The following ITGA10 variants were observed in gnomAD, a reference collection of about 807,000 sequenced individuals.
The protein encoded by ITGA10 is integrin alpha-10.
ITGA10 carries 105 observed loss-of-function variants against 145.2 expected under a neutral mutation model. That is an observed-to-expected ratio of 0.72 (90% CI 0.62 to 0.85). The LOEUF (loss-of-function observed/expected upper bound fraction) is 0.85, where lower values mean the gene tolerates loss of function less well. Ranked by LOEUF, ITGA10 falls within the 40% of genes least tolerant of loss-of-function variation. The pLI, the probability that ITGA10 is intolerant of heterozygous loss-of-function variation, is 0.00. For missense variants in ITGA10, 1,317 were observed against 1,444.5 expected, an observed-to-expected ratio of 0.91 and a Z score of 1.43; for synonymous variants, 506 against 557.8, an observed-to-expected ratio of 0.91 and a Z score of 1.31.
chr1:145,893,703 C>T (rs1655003536), intron 27 of ITGA10, 68 bp from the exon 28 acceptor site: 3 of 1,260,894 alleles, frequency 2.4e-6, no homozygotes, highest in East Asian at 4.9e-5. Flanking sequence ...TCTTTGGAAT[C>T]CCAACAGCAA....
At chr1:145,898,528 C>G (rs1181404474) in intron 17 of ITGA10, among the ~76,000 whole-genome samples, 2 of 151,932 alleles carry the variant, frequency 1.3e-5, no homozygotes, top group Admixed American at 6.6e-5. Context: ...GCCACCACGC[C>G]CGGCTAATTT....
In ITGA10 at chr1:145,896,996, TC is replaced by T; in HGVS notation, c.2744+14del. 6.2e-7 allele frequency: 1 copy of T among 1,610,500 alleles called. No homozygotes were observed. Among genetic ancestry groups the T allele is most frequent in the Non-Finnish European group, 8.5e-7 (1 of 1,176,740 alleles). ...TAGGAGGAGAGGTCTGGAAGAAAGTTCCCTTCATTCTCACCTGCTGGCAGTC... is the reference window on the plus strand; with the variant it reads ...TAGGAGGAGAGGTCTGGAAGAAAGTTCCTTCATTCTCACCTGCTGGCAGTC... On this transcript the variant is annotated intron_variant, in intron 22 of 29. Transcript: ENST00000369304.
Position 145,901,718 on chromosome 1 carries a change from A to G in ITGA10, c.1295-54T>C. 6.5e-7 allele frequency: 1 copy of G among 1,539,348 alleles called. No homozygotes were observed. ...AGGAAAAGAAGATGGGGTCCAGAGT[A>G]GGGGGGTTCCCTAAAGGCATAGCAG... On this transcript the variant is annotated intron_variant, in intron 11 of 29. Transcript: ENST00000369304. This position sits in a 1 kb window ranked among gnomAD's most constrained non-coding sequence, Gnocchi z 4.3.
chr1:145,900,293 G>A, intron 14 of ITGA10, 106 bp from the exon 15 acceptor site: 2 of 1,273,478 alleles, frequency 1.6e-6, no homozygotes, highest in Non-Finnish European at 2.1e-6. Flanking sequence ...TTGAGATGGA[G>A]TTTCACTCTT....
Position 145,899,017 on chromosome 1 carries a change from G to C in ITGA10, c.2151C>G (p.Gly717=). 6.2e-7 allele frequency: 1 copy of C among 1,614,230 alleles called. No homozygotes were observed. Residue 717 remains glycine, a synonymous_variant, in exon 17 of 30, where the codon GGC becomes GGG. Coordinates refer to ENST00000369304, the MANE Select transcript of ITGA10 (RefSeq NM_003637.5). The stretch of plus-strand genomic sequence containing the variant: ...TCCGAGGGGACAACCTCTGGCCAGA[G>C]CCATCAAATGCTGCACGTGCCCCAG... ...WTAGARAAFD[G]SGQRLSPRRL... is the part of the protein sequence containing the mutation.
Position 145,898,968 on chromosome 1 carries a change from C to T in ITGA10, c.2200G>A (p.Val734Ile). ...TGGAAGTGTAGCTGCTCACAAGTGA[C>T]ATTCCCCACACTGAGCCGGAGCCTC... ...PRRLRLSVGNVTCEQLHFHVL... is the reference protein window; with the variant it reads ...PRRLRLSVGNITCEQLHFHVL... The change falls in exon 17 of 30, where the codon GTC becomes ATC. Residue 734 changes from valine to isoleucine, a missense_variant. Physicochemically the swap from Val to Ile is conservative, Grantham distance 29. Coordinates refer to ENST00000369304, the MANE Select transcript of ITGA10 (RefSeq NM_003637.5). 6.2e-7 allele frequency: 1 copy of T among 1,614,192 alleles called. No individual in the cohort carries two copies. Among genetic ancestry groups the T allele is most frequent in the Non-Finnish European group, 8.5e-7 (1 of 1,180,038 alleles).
chr1:145,898,969 A>G lies in ITGA10; in HGVS notation c.2199T>C (p.Asn733=). The change falls in exon 17 of 30, where the codon AAT becomes AAC. Residue 733 remains asparagine (N), a synonymous_variant. Transcript: ENST00000369304. ...GGAAGTGTAGCTGCTCACAAGTGACATTCCCCACACTGAGCCGGAGCCTCC... is the reference window on the plus strand; with the variant it reads ...GGAAGTGTAGCTGCTCACAAGTGACGTTCCCCACACTGAGCCGGAGCCTCC... ...SPRRLRLSVG[N]VTCEQLHFHV... is the part of the protein sequence containing the mutation. 6.2e-7 allele frequency: 1 copy of G among 1,614,132 alleles called. No individual in the cohort carries two copies. The highest frequency in any genetic ancestry group is 1.1e-5 in the South Asian group (1 of 91,072).
At chr1:145,903,045 ACAC>A (rs1656604872) in intron 7 of ITGA10, 84 bp from the exon 8 acceptor site, 1 of 963,064 alleles carries the variant, frequency 1.0e-6, no homozygotes, top group Admixed American at 2.6e-5. Flanking sequence ...ACACACACAC[ACAC>A]ACACACACAC....
chr1:145,907,535 TGAGGAAGC>T, intron 1 of ITGA10, 70 bp from the exon 2 acceptor site: 1 of 1,596,604 alleles, frequency 6.3e-7, no homozygotes, highest in Non-Finnish European at 8.5e-7. Flanking sequence ...AGAGAAGCTG[TGAGGAAGC>T]GTCTTAATCT....
At position 145,909,484 on chromosome 1, in the gene ITGA10, TATATATA is replaced by T. The variant is rs1468931553; in HGVS notation, c.52+472_52+478del. Among the ~76,000 whole-genome samples the T allele has an allele frequency of 9.3e-4, 117 of 125,332 alleles. 2 individuals are homozygous for T. The highest frequency in any genetic ancestry group is 2.6e-3 in the African/African-American group (71 of 27,302). 82.2% of individuals were successfully genotyped at this position (125,332 alleles called of 152,430 possible). On this transcript the variant is annotated intron_variant, in intron 1 of 29. Coordinates refer to ENST00000369304, the MANE Select transcript of ITGA10 (RefSeq NM_003637.5). Reference sequence around the variant, plus strand: ...ATTATGTTATATATTATATGTATATTATATATAATATATAATTATGTTATATATTATA... The same window carrying T: ...ATTATGTTATATATTATATGTATATTATATATAATTATGTTATATATTATA...
In ITGA10 at chr1:145,901,636, C is replaced by T. The variant is rs181423095; in HGVS notation, c.1323G>A (p.Arg441=). 1.6e-5 allele frequency: 25 copies of T among 1,582,280 alleles called. No individual in the cohort carries two copies. In the Admixed American group the frequency reaches 3.4e-4, roughly 22 times the overall value. The change falls in exon 12 of 30, where the codon CGG becomes CGA. Residue 441 remains arginine, a synonymous_variant. Transcript: ENST00000369304. The surrounding 1 kb of genome is among the most constrained non-coding windows in gnomAD (Gnocchi z 4.3). ...LGYSVSSMLL[R]GGRRLFLSGA... ...CAGAGAGAAACAGGCGGCGTCCACC[C>T]CGCAAAAGCATGGAAGAAACAGAGT... is the stretch of plus-strand genomic sequence containing the variant.
rs782588504 is a variant in ITGA10 at position 145,895,633 on chromosome 1, G to A, written c.3112C>T (p.Leu1038=). Residue 1038 remains leucine (L), a splice_region_variant and synonymous_variant, in exon 26 of 30, where the codon CTG becomes TTG. Coordinates refer to ENST00000369304, the MANE Select transcript of ITGA10 (RefSeq NM_003637.5). ...GGACACCCCTTTGTGACTCATACCAGTCTGTTTGTGTGTTGAAGCTCCTCT... is the reference window on the plus strand; with the variant it reads ...GGACACCCCTTTGTGACTCATACCAATCTGTTTGTGTGTTGAAGCTCCTCT... ...HPEELQHTNR[L]NGSNTQCQVV... is the part of the protein sequence containing the mutation. 8 of 1,613,946 alleles carry A rather than the reference G, an allele frequency of 5.0e-6. No individual in the cohort carries two copies. The South Asian group carries it at 7.7e-5, about 16-fold the overall frequency.
chr1:145,904,343 C>A, intron 6 of ITGA10, 143 bp from the exon 7 acceptor site: 1 of 790,850 alleles, frequency 1.3e-6, no homozygotes, highest in East Asian at 2.6e-5. Flanking sequence ...CTCTCTGTCT[C>A]TCCCCTTCCA....
In ITGA10 at chr1:145,897,014, C is replaced by T. The variant is rs1461752202; in HGVS notation, c.2741G>A (p.Ser914Asn). The T allele has an allele frequency of 6.2e-7, 1 of 1,613,724 alleles. No homozygotes were observed. The highest frequency in any genetic ancestry group is 8.5e-7 in the Non-Finnish European group (1 of 1,179,626). ...AGAAAGTTCCCTTCATTCTCACCTG[C>T]TGGCAGTCAGCTTCACGAAGACCTG... ...LSQVFVKLTA[S>N]SDSLERNGTL... The change falls in exon 22 of 30, where the codon AGC becomes AAC. Residue 914 changes from serine (S) to asparagine (N), a missense_variant. Physicochemically the swap from Ser to Asn is conservative, Grantham distance 46. Coordinates refer to ENST00000369304, the MANE Select transcript of ITGA10 (RefSeq NM_003637.5).
rs1553752701 is a variant in ITGA10 at position 145,910,035 on chromosome 1, G to A, written c.-21C>T. On this transcript the variant is annotated 5_prime_UTR_variant, in exon 1 of 30. Transcript: ENST00000369304. ...TCCATGCCTGATCGGTTTCTGTCCA[G>A]TATGAGAAGTCCTCTGGCCTCTGTC... The A allele has an allele frequency of 4.4e-6, 7 of 1,605,340 alleles. No individual in the cohort carries two copies. In the South Asian group the frequency reaches 6.6e-5, roughly 15 times the overall value.
At chr1:145,905,708 CTGGG>C (rs2101826282) in intron 5 of ITGA10, 1 of 152,450 alleles carries the variant, frequency 6.6e-6, no homozygotes, top group East Asian at 1.9e-4. Context: ...TCCTGAGTAG[CTGGG>C]ACCACAGGCA....
intron 4 of ITGA10, 41 bp from the exon 5 acceptor site, chr1:145,906,549 C>T (rs1553751135): frequency 6.5e-7 from 1 of 1,547,966 alleles, no homozygotes; most frequent in East Asian, 2.2e-5. Context: ...CTTGGGAGGG[C>T]ACCCTCAGAA....
At chr1:145,893,062 G>T in intron 29 of ITGA10, 99 bp downstream of exon 29, 1 of 1,015,578 alleles carries the variant, frequency 9.8e-7, no homozygotes, top group Non-Finnish European at 1.6e-6. Flanking sequence ...CCACAGCCTG[G>T]TTAGCTGCCC....
Position 145,901,428 on chromosome 1 carries a change from G to A in ITGA10, c.1443+88C>T. On this transcript the variant is annotated intron_variant, in intron 12 of 29. Transcript: ENST00000369304. The surrounding 1 kb of genome is among the most constrained non-coding windows in gnomAD (Gnocchi z 4.3). ...CCAGAATTCCGCACAGACTTTGGAG[G>A]CCTCTCTCTTACCCACTTCACACTC... 1 of 1,479,678 alleles carries A rather than the reference G, an allele frequency of 6.8e-7. No homozygotes were observed. Among genetic ancestry groups the A allele is most frequent in the South Asian group, 1.3e-5 (1 of 75,524 alleles). 91.7% of individuals were successfully genotyped at this position (1,479,678 alleles called of 1,614,324 possible). A position where few individuals can be genotyped will look rare whatever the true frequency, so the allele number is the denominator to read the frequency against.
Sources: gnomAD v4.1 joint callset for allele counts (sites outside exome capture counted in the v4.1 genomes callset) on GRCh38, gnomAD v4.1.1 for gene constraint, Gnocchi (gnomAD v3.1) non-coding constraint, MANE v1.5 for transcripts, NCBI Gene and HGNC (gene_info 2026-07-23, HGNC 2026-07-21) for gene names.